HNF4G: variants seen among roughly 807,000 people sequenced by gnomAD.
The protein encoded by HNF4G is hepatocyte nuclear factor 4-gamma.
In HNF4G, 21 loss-of-function variants were observed where a neutral mutation model predicts 50.9. That is an observed-to-expected ratio of 0.41 (90% CI 0.29 to 0.59). The LOEUF (loss-of-function observed/expected upper bound fraction) is 0.59, where lower values mean the gene tolerates loss of function less well. HNF4G is among the 20% of genes least tolerant of loss of function. HNF4G has a pLI of 0.26. For missense variants in HNF4G, 527 were observed against 559.4 expected, an observed-to-expected ratio of 0.94 and a Z score of 0.58; for synonymous variants, 198 against 185.6, an observed-to-expected ratio of 1.07 and a Z score of -0.54.
chr8:75,495,147 C>G (rs565440260), intron 2 of HNF4G, among the ~76,000 whole-genome samples: 113 of 152,166 alleles, frequency 7.4e-4, no homozygotes, highest in Non-Finnish European at 1.3e-3. Context: ...GATTCACAGA[C>G]TATGTTCCTA....
intron 1 of HNF4G, among the ~76,000 whole-genome samples, chr8:75,423,172 C>G (rs1810810798): frequency 6.6e-6 from 1 of 152,054 alleles, no homozygotes; most frequent in South Asian, 2.1e-4. Flanking sequence ...AATTTTGTTC[C>G]CTTTTCCATA....
intron 3 of HNF4G, 73 bp from the exon 4 acceptor site, chr8:75,551,315 A>G: frequency 1.2e-6 from 1 of 804,598 alleles, no homozygotes; most frequent in Non-Finnish European, 2.0e-6. Flanking sequence ...TTAAAAAAAA[A>G]ACTCCTTAAA....
chr8:75,418,534 C>T (rs553330707), intron 1 of HNF4G, among the ~76,000 whole-genome samples: 1 of 152,296 alleles, frequency 6.6e-6, no homozygotes, highest in African/African-American at 2.4e-5. Context: ...GCTTTCCTCT[C>T]TCCTAACAGT....
chr8:75,547,486 G>A (rs1051846516), intron 2 of HNF4G, 101 bp from the exon 3 acceptor site: 17 of 853,258 alleles, frequency 2.0e-5, no homozygotes, highest in African/African-American at 6.7e-5. Flanking sequence ...TCTTTTTATC[G>A]AACCGAATTT....
intron 1 of HNF4G, among the ~76,000 whole-genome samples, chr8:75,419,115 G>T (rs539854131): frequency 6.6e-6 from 1 of 152,294 alleles, no homozygotes; most frequent in Non-Finnish European, 1.5e-5. Flanking sequence ...TTGAGTCAAT[G>T]ATAGTGTTTT....
chr8:75,427,135 A>G (rs1810910052), intron 1 of HNF4G, among the ~76,000 whole-genome samples: 1 of 152,160 alleles, frequency 6.6e-6, no homozygotes, highest in Non-Finnish European at 1.5e-5. Context: ...CATACCATGT[A>G]CTGGTTATTT....
At chr8:75,559,067 T>G (rs1208034295) in intron 8 of HNF4G, 30 bp downstream of exon 8, 1 of 1,288,092 alleles carries the variant, frequency 7.8e-7, no homozygotes, top group Admixed American at 1.7e-5. Flanking sequence ...TCTACTTTAT[T>G]GATTAGAATC....
intron 2 of HNF4G, among the ~76,000 whole-genome samples, chr8:75,523,503 T>C (rs1806100892): frequency 6.6e-6 from 1 of 152,168 alleles, no homozygotes; most frequent in African/African-American, 2.4e-5. Flanking sequence ...CCTAGATATA[T>C]AATAAACTAA....
intron 1 of HNF4G, 114 bp downstream of exon 1, chr8:75,540,194 C>G (rs1159005804): frequency 3.2e-6 from 2 of 630,128 alleles, no homozygotes; most frequent in Non-Finnish European, 5.7e-6. Flanking sequence ...GAGTTTAGGG[C>G]TTGCTTTTAA....
In HNF4G at chr8:75,515,076, A is replaced by G. The variant is rs1377562092; in HGVS notation, c.-24+24868A>G. ...ACCAGTACTCTAGTTATTTTAGTTC[A>G]TGCTCAACAATGTCTATGTATTGCT... On this transcript the variant is annotated intron_variant, in intron 2 of 10. Transcript: ENST00000354370. 3.9e-5 allele frequency among the ~76,000 whole-genome samples: 6 copies of G among 152,158 alleles called. No homozygotes were observed. The South Asian group carries it at 1.0e-3, about 26-fold the overall frequency.
intron 1 of HNF4G, among the ~76,000 whole-genome samples, chr8:75,473,412 G>A (rs890004908): frequency 6.6e-6 from 1 of 152,186 alleles, no homozygotes; most frequent in African/African-American, 2.4e-5. Context: ...AAGTTAAAAT[G>A]TGTGTCTCAC....
In HNF4G at chr8:75,560,278, G is replaced by T. The variant is rs540986294; in HGVS notation, c.1124-66G>T. The T allele has an allele frequency of 4.4e-5, 68 of 1,545,672 alleles. No individual in the cohort carries two copies. The South Asian group carries it at 7.5e-4, about 17-fold the overall frequency. Reference sequence around the variant, plus strand: ...ATTTAAGCTGTCAATCAAAACATTTGTTTCAAGGTAAACTTGCTGTTCCTG... The same window carrying T: ...ATTTAAGCTGTCAATCAAAACATTTTTTTCAAGGTAAACTTGCTGTTCCTG... On this transcript the variant is annotated intron_variant, in intron 8 of 9. Transcript: ENST00000396423.
intron 1 of HNF4G, among the ~76,000 whole-genome samples, chr8:75,488,242 A>G (rs754408102): frequency 1.3e-5 from 2 of 152,150 alleles, no homozygotes; most frequent in Non-Finnish European, 2.9e-5. Context: ...GTAATTTGAC[A>G]AAATTGGTCA....
At chr8:75,534,859 C>T (rs551560745) in intron 2 of HNF4G, among the ~76,000 whole-genome samples, 2 of 151,732 alleles carry the variant, frequency 1.3e-5, no homozygotes, top group South Asian at 4.2e-4. Context: ...GTAAGCAAAG[C>T]TGTATTATTA....
At chr8:75,485,270 A>C (rs1812474010) in intron 1 of HNF4G, among the ~76,000 whole-genome samples, 1 of 152,220 alleles carries the variant, frequency 6.6e-6, no homozygotes, top group Non-Finnish European at 1.5e-5. Context: ...AAACCATTAA[A>C]GCATGTTGGA....
chr8:75,499,479 T>C (rs1812866609), intron 2 of HNF4G, among the ~76,000 whole-genome samples: 1 of 152,022 alleles, frequency 6.6e-6, no homozygotes, highest in South Asian at 2.1e-4. Flanking sequence ...ATATTTAACA[T>C]AGTCCTAACA....
At chr8:75,433,847 A>G (rs889069677) in intron 1 of HNF4G, among the ~76,000 whole-genome samples, 1 of 152,190 alleles carries the variant, frequency 6.6e-6, no homozygotes, top group Non-Finnish European at 1.5e-5. Flanking sequence ...AAAAAACAGT[A>G]AGTACATAGC....
intron 1 of HNF4G, among the ~76,000 whole-genome samples, chr8:75,438,870 C>A (rs577179702): frequency 1.3e-5 from 2 of 151,888 alleles, no homozygotes; most frequent in Admixed American, 6.6e-5. Context: ...TTTTCTTTCA[C>A]GAGTAGGGTA....
chr8:75,470,299 T>A (rs1247281724), intron 1 of HNF4G, among the ~76,000 whole-genome samples: 2 of 152,176 alleles, frequency 1.3e-5, no homozygotes, highest in African/African-American at 2.4e-5. Flanking sequence ...AGAGGACATA[T>A]AAAGTGTAAA....
Sources: gnomAD v4.1 joint callset for allele counts (sites outside exome capture counted in the v4.1 genomes callset) on GRCh38, gnomAD v4.1.1 for gene constraint, MANE v1.5 for transcripts, NCBI Gene and HGNC (gene_info 2026-07-23, HGNC 2026-07-21) for gene names.